Variants in XXYLT1 observed in about 807,000 individuals in gnomAD.
XXYLT1 encodes UDP-xylose:alpha-xyloside alpha-1,3-xylosyltransferase.
Under a neutral mutation model 28.9 loss-of-function variants are expected in XXYLT1, and 20 were observed. The observed-to-expected ratio is 0.69, with a 90% CI of 0.49 to 1.00. XXYLT1 has a LOEUF of 1.00. Among genes scored for constraint, XXYLT1 ranks in the 50% least tolerant of loss-of-function variants. XXYLT1 has a pLI of 0.00. For synonymous variants in XXYLT1, 257 were observed against 253.8 expected (o/e 1.01, Z -0.12); for missense variants, 542 against 560.1 (o/e 0.97, Z 0.33).
At chr3:195,177,926 C>G (rs150920040) in intron 2 of XXYLT1, among the ~76,000 whole-genome samples, 3 of 138,308 alleles carry the variant, frequency 2.2e-5, no homozygotes, top group African/African-American at 8.6e-5. Context: ...CAGAGCAAGG[C>G]TCTGTCTCTT....
At chr3:195,109,410 G>A (rs1315352050) in intron 3 of XXYLT1, among the ~76,000 whole-genome samples, 3 of 72,082 alleles carry the variant, frequency 4.2e-5, no homozygotes, top group African/African-American at 1.2e-4. Flanking sequence ...GTGTGCATGT[G>A]TATGGTGTGT....
In XXYLT1 at chr3:195,070,118, A is replaced by G. The variant is rs759386932; in HGVS notation, c.786-7T>C. On this transcript the variant is annotated splice_polypyrimidine_tract_variant and splice_region_variant and intron_variant, in intron 3 of 3. Transcript: ENST00000310380. ...GAACTGCCAGAATGTGTGCCTGTGGAGAGAGAGGACAGAGTTAGTCCGGTG... is the reference window on the plus strand; with the variant it reads ...GAACTGCCAGAATGTGTGCCTGTGGGGAGAGAGGACAGAGTTAGTCCGGTG... The G allele has an allele frequency of 6.5e-7, 1 of 1,549,712 alleles. No individual in the cohort carries two copies. The highest frequency in any genetic ancestry group is 8.7e-7 in the Non-Finnish European group (1 of 1,155,300).
intron 2 of XXYLT1, among the ~76,000 whole-genome samples, chr3:195,208,546 G>A (rs1210315958): frequency 6.6e-6 from 1 of 152,108 alleles, no homozygotes; most frequent in African/African-American, 2.4e-5. Flanking sequence ...AAGAGACAAC[G>A]CTCGTGACGG....
At chr3:195,143,304 C>T (rs1719588402) in intron 3 of XXYLT1, among the ~76,000 whole-genome samples, 1 of 152,142 alleles carries the variant, frequency 6.6e-6, no homozygotes, top group Non-Finnish European at 1.5e-5. Flanking sequence ...CAGTTTTTTG[C>T]CTCAATGATC....
chr3:195,220,701 G>A (rs1010783005), intron 2 of XXYLT1, among the ~76,000 whole-genome samples: 1 of 152,178 alleles, frequency 6.6e-6, no homozygotes, highest in African/African-American at 2.4e-5. Context: ...ACAATGAATG[G>A]AGCCTATCGC....
intron 2 of XXYLT1, among the ~76,000 whole-genome samples, chr3:195,169,773 TA>T (rs2108711939): frequency 6.6e-6 from 1 of 152,102 alleles, no homozygotes; most frequent in East Asian, 1.9e-4. Flanking sequence ...TATTTGAAAT[TA>T]TAACTATATA....
intron 3 of XXYLT1, among the ~76,000 whole-genome samples, chr3:195,120,438 A>T (rs1332782789): frequency 6.6e-6 from 1 of 152,198 alleles, no homozygotes; most frequent in Non-Finnish European, 1.5e-5. Context: ...TCATCTGGAA[A>T]ATGGGAGTAA....
chr3:195,233,920 T>C (rs1476150729), intron 1 of XXYLT1, among the ~76,000 whole-genome samples: 1 of 152,160 alleles, frequency 6.6e-6, no homozygotes, highest in Non-Finnish European at 1.5e-5. Flanking sequence ...ATTTTTGTTT[T>C]GTTTTGTTTT....
At chr3:195,111,902 TC>T (rs1307063347) in intron 3 of XXYLT1, among the ~76,000 whole-genome samples, 1 of 152,192 alleles carries the variant, frequency 6.6e-6, no homozygotes, top group Non-Finnish European at 1.5e-5. Context: ...GATCATTTGC[TC>T]GCCCCAATCG....
At chr3:195,183,685 C>T (rs1333798546) in intron 2 of XXYLT1, 1 of 152,192 alleles carries the variant, frequency 6.6e-6, no homozygotes, top group South Asian at 2.1e-4. Flanking sequence ...TCAAGTCCCT[C>T]CAGAATGATC....
intron 3 of XXYLT1, among the ~76,000 whole-genome samples, chr3:195,155,441 C>A (rs1469982229): frequency 1.3e-5 from 2 of 152,162 alleles, no homozygotes; most frequent in Admixed American, 6.5e-5. Flanking sequence ...TCGCTCTACC[C>A]GCTGGAGAAA....
At chr3:195,114,072 G>C (rs1391288143) in intron 3 of XXYLT1, among the ~76,000 whole-genome samples, 1 of 152,226 alleles carries the variant, frequency 6.6e-6, no homozygotes, top group Non-Finnish European at 1.5e-5. Flanking sequence ...AACGCCTTGA[G>C]TGCCAGACCC....
intron 2 of XXYLT1, among the ~76,000 whole-genome samples, chr3:195,160,837 G>A (rs921604274): frequency 3.9e-5 from 6 of 152,232 alleles, no homozygotes; most frequent in African/African-American, 1.2e-4. Flanking sequence ...TCCCCAAGGG[G>A]ATGTGCGGTT....
intron 1 of XXYLT1, among the ~76,000 whole-genome samples, chr3:195,253,210 T>A (rs954930122): frequency 6.6e-6 from 1 of 152,128 alleles, no homozygotes; most frequent in African/African-American, 2.4e-5. Flanking sequence ...ACTCCTCTCC[T>A]GGGGCAGTGA....
intron 3 of XXYLT1, among the ~76,000 whole-genome samples, chr3:195,138,860 A>G (rs1719333011): frequency 7.1e-6 from 1 of 141,528 alleles, no homozygotes; most frequent in African/African-American, 2.8e-5. Context: ...GCCTCAGGAA[A>G]AAAAAAAAAA....
At chr3:195,153,291 C>T (rs1720379548) in intron 3 of XXYLT1, among the ~76,000 whole-genome samples, 1 of 152,214 alleles carries the variant, frequency 6.6e-6, no homozygotes, top group Non-Finnish European at 1.5e-5. Flanking sequence ...TGCTCAATTC[C>T]TTGTCGGCCA....
In XXYLT1 at chr3:195,226,867, T is replaced by G. The variant is rs1247050167; in HGVS notation, c.505-11A>C. ...ATCGTGGAAGATGACCTGCAGCAGG[T>G]GCAAAAAAAACCAAGGCTCAGCAAA... On this transcript the variant is annotated splice_polypyrimidine_tract_variant and intron_variant, in intron 1 of 3. Transcript: ENST00000310380. The G allele has an allele frequency of 6.8e-6, 11 of 1,610,248 alleles. No homozygotes were observed. The highest frequency in any genetic ancestry group is 2.2e-5 in the East Asian group (1 of 44,792).
chr3:195,162,900 T>C (rs560873241), intron 2 of XXYLT1, among the ~76,000 whole-genome samples: 3 of 152,242 alleles, frequency 2.0e-5, no homozygotes, highest in Admixed American at 1.3e-4. Context: ...GAATTTGAGA[T>C]CTGAAAATCT....
Position 195,150,808 on chromosome 3 carries a change from TCACATACAC to T in XXYLT1, c.785+5632_785+5640del, listed in dbSNP as rs1265991623. ...CACACATATGCACACTCTCACACAC[TCACATACAC>T]ACACACTCACACATACGCACACTCT... On this transcript the variant is annotated intron_variant, in intron 3 of 3. Coordinates refer to ENST00000310380, the MANE Select transcript of XXYLT1 (RefSeq NM_152531.5). This position sits in a 1 kb window ranked among gnomAD's most constrained non-coding sequence, Gnocchi z 4.7. 1.4e-5 allele frequency among the ~76,000 whole-genome samples: 2 copies of T among 144,684 alleles called. No homozygotes were observed. Among genetic ancestry groups the T allele is most frequent in the Non-Finnish European group, 3.0e-5 (2 of 65,600 alleles). The allele number at this position is 144,684 out of a possible 152,430, so 94.9% of individuals were successfully genotyped here. A position where few individuals can be genotyped will look rare whatever the true frequency, so the allele number is the denominator to read the frequency against.
Sources: allele counts gnomAD v4.1 joint callset (sites outside exome capture counted in the v4.1 genomes callset), GRCh38; gene constraint gnomAD v4.1.1; non-coding constraint Gnocchi (gnomAD v3.1); transcripts MANE v1.5; gene names NCBI Gene and HGNC (gene_info 2026-07-23, HGNC 2026-07-21).